ADCY5: variants seen among roughly 807,000 people sequenced by gnomAD.
ADCY5 encodes adenylate cyclase type 5.
In ADCY5, 30 loss-of-function variants were observed where a neutral mutation model predicts 119.7. That is an observed-to-expected ratio of 0.25 (90% CI 0.19 to 0.34). ADCY5 has a LOEUF of 0.34. Among genes scored for constraint, ADCY5 ranks in the 10% least tolerant of loss-of-function variants. ADCY5 has a pLI of 1.00. For synonymous variants in ADCY5, 753 were observed against 762.2 expected, an observed-to-expected ratio of 0.99 and a Z score of 0.20; for missense variants, 1,324 against 1,775.2, an observed-to-expected ratio of 0.75 and a Z score of 4.57.
chr3:123,294,493 G>C (rs1488652621), intron 17 of ADCY5, among the ~76,000 whole-genome samples: 1 of 152,240 alleles, frequency 6.6e-6, no homozygotes, highest in Non-Finnish European at 1.5e-5. Flanking sequence ...CAACACGGTG[G>C]AGTCTCTCAG....
At chr3:123,436,449 T>TA (rs1438849117) in intron 1 of ADCY5, among the ~76,000 whole-genome samples, 2 of 152,208 alleles carry the variant, frequency 1.3e-5, no homozygotes, top group Non-Finnish European at 2.9e-5. Context: ...CTCACACCTG[T>TA]AATCCCAGTA....
intron 1 of ADCY5, among the ~76,000 whole-genome samples, chr3:123,392,653 C>G (rs896068294): frequency 6.6e-6 from 1 of 152,066 alleles, no homozygotes; most frequent in African/African-American, 2.4e-5. Context: ...AGTGTTACTC[C>G]CCTTCTCTGT....
chr3:123,416,428 C>G (rs1170492782), intron 1 of ADCY5: 1 of 1,229,138 alleles, frequency 8.1e-7, no homozygotes, highest in Non-Finnish European at 1.1e-6. Context: ...AAAGGGCCTC[C>G]CTGTCTCTGA....
chr3:123,343,445 G>C (rs1192837900), intron 3 of ADCY5, among the ~76,000 whole-genome samples: 1 of 152,188 alleles, frequency 6.6e-6, no homozygotes, highest in Non-Finnish European at 1.5e-5. Flanking sequence ...CAGCCACCAG[G>C]CGGCAGAGCT....
At chr3:123,334,227 T>G (rs978367571) in intron 3 of ADCY5, among the ~76,000 whole-genome samples, 3 of 152,100 alleles carry the variant, frequency 2.0e-5, no homozygotes, top group African/African-American at 7.2e-5. Flanking sequence ...GCAAAAGCCC[T>G]GCAAGTGAGG....
intron 1 of ADCY5, among the ~76,000 whole-genome samples, chr3:123,361,053 A>G (rs1021323496): frequency 4.6e-5 from 7 of 152,174 alleles, no homozygotes; most frequent in Non-Finnish European, 1.0e-4. Flanking sequence ...ATTTATCCCA[A>G]CCTAATTTAG....
rs1442640622 is a variant in ADCY5, at chr3:123,300,308, G to A, written c.2725-13C>T. 1 of 1,612,252 alleles carries A rather than the reference G, an allele frequency of 6.2e-7. No homozygotes were observed. The highest frequency in any genetic ancestry group is 8.5e-7 in the Non-Finnish European group (1 of 1,179,634). ...TGTAGGTGAAGTACTGCGGGCAGAG[G>A]GCAGCAGCATCAGCTCCCCAGGCCC... On this transcript the variant is annotated splice_polypyrimidine_tract_variant and intron_variant, in intron 14 of 20. Coordinates refer to ENST00000462833, the MANE Select transcript of ADCY5 (RefSeq NM_183357.3).
chr3:123,393,004 C>T (rs1315814821), intron 1 of ADCY5, among the ~76,000 whole-genome samples: 1 of 152,196 alleles, frequency 6.6e-6, no homozygotes, highest in Non-Finnish European at 1.5e-5. Context: ...GAGACAATGG[C>T]ACATGCTAGG....
At chr3:123,291,438 ACCT>A (rs1291667760) in intron 17 of ADCY5, 62 bp from the exon 18 acceptor site, 4 of 1,549,518 alleles carry the variant, frequency 2.6e-6, no homozygotes, top group Non-Finnish European at 3.5e-6. Flanking sequence ...CGGCCCCTCC[ACCT>A]CCTCCTCTCC....
chr3:123,443,398 T>G lies in ADCY5; in HGVS notation c.1134+4014A>C, dbSNP rs978237312. Among the ~76,000 whole-genome samples, 3 of 152,064 alleles carry G rather than the reference T, an allele frequency of 2.0e-5. No homozygotes were observed. In the East Asian group the frequency reaches 5.8e-4, roughly 29 times the overall value. On this transcript the variant is annotated intron_variant, in intron 1 of 20. Coordinates refer to ENST00000462833, the MANE Select transcript of ADCY5 (RefSeq NM_183357.3). ...GGCTGCCATGATCTCCTTTCAAAGT[T>G]AACACAAAGGCTTCCCAGGCCCACG...
At chr3:123,305,710 G>A (rs1428485333) in intron 12 of ADCY5, among the ~76,000 whole-genome samples, 3 of 152,198 alleles carry the variant, frequency 2.0e-5, no homozygotes, top group Admixed American at 6.5e-5. Context: ...TTGACAAAAA[G>A]TCAGGCCCCT....
At chr3:123,399,106 G>A (rs1332960553) in intron 1 of ADCY5, among the ~76,000 whole-genome samples, 1 of 152,180 alleles carries the variant, frequency 6.6e-6, no homozygotes, top group East Asian at 1.9e-4. Context: ...CAAGCTGGAG[G>A]GCCAAAGTCT....
At chr3:123,319,442 C>T (rs1343033003) in intron 10 of ADCY5, among the ~76,000 whole-genome samples, 1 of 152,164 alleles carries the variant, frequency 6.6e-6, no homozygotes, top group African/African-American at 2.4e-5. Flanking sequence ...TAACTGTCCC[C>T]ATTTTCCAGA....
intron 17 of ADCY5, among the ~76,000 whole-genome samples, chr3:123,293,908 T>C (rs987465376): frequency 3.0e-4 from 45 of 152,194 alleles, no homozygotes; most frequent in African/African-American, 1.0e-3. Flanking sequence ...GGGAGGGCTC[T>C]TTGAAGAAAT....
intron 1 of ADCY5, among the ~76,000 whole-genome samples, chr3:123,381,880 A>C (rs1227099035): frequency 2.0e-5 from 3 of 152,176 alleles, no homozygotes; most frequent in Non-Finnish European, 4.4e-5. Flanking sequence ...AGGATCCTTA[A>C]AAATGTGAGT....
chr3:123,332,792 T>C, intron 3 of ADCY5, 117 bp from the exon 4 acceptor site: 1 of 699,922 alleles, frequency 1.4e-6, no homozygotes, highest in South Asian at 1.7e-5. Context: ...TCTTGCTCTA[T>C]TGCCCAGGCT....
At chr3:123,297,201 C>A (rs1288404089) in intron 16 of ADCY5, 152 bp downstream of exon 16, 1 of 1,359,286 alleles carries the variant, frequency 7.4e-7, no homozygotes, top group Non-Finnish European at 1.0e-6. Flanking sequence ...CGCCTTGCTA[C>A]CCCAGGAGGA....
rs1042763431 is a variant in ADCY5 at position 123,289,671 on chromosome 3, G to A, written c.3532+79C>T. The A allele has an allele frequency of 9.9e-6, 15 of 1,514,342 alleles. 1 individual carries two copies. Among genetic ancestry groups the A allele is most frequent in the Non-Finnish European group, 1.4e-5 (15 of 1,094,180 alleles). The allele number at this position is 1,514,342 out of a possible 1,614,324, so 93.8% of individuals were successfully genotyped here. On this transcript the variant is annotated intron_variant, in intron 19 of 20. Transcript: ENST00000462833. ...CCTTGGGACCACAATGGCGGATGCG[G>A]TATGGGGTATGGGGGAGCCCCTGCC...
At chr3:123,344,345 T>C (rs898484305) in intron 3 of ADCY5, among the ~76,000 whole-genome samples, 2 of 152,222 alleles carry the variant, frequency 1.3e-5, no homozygotes, top group African/African-American at 4.8e-5. Flanking sequence ...TCCCCAGGCC[T>C]TTCTTTGTTG....
Sources: allele counts gnomAD v4.1 joint callset (sites outside exome capture counted in the v4.1 genomes callset), GRCh38; gene constraint gnomAD v4.1.1; transcripts MANE v1.5; gene names NCBI Gene and HGNC (gene_info 2026-07-23, HGNC 2026-07-21).